Variants in TEX15 observed in about 807,000 individuals in gnomAD.
The protein encoded by TEX15 is testis-expressed protein 15.
A neutral mutation model predicts 237.3 loss-of-function variants in TEX15; 171 were observed. The observed-to-expected ratio is 0.72, with a 90% CI of 0.64 to 0.82. TEX15 has a LOEUF of 0.82. Among genes scored for constraint, TEX15 ranks in the 40% least tolerant of loss-of-function variants. The pLI is 0.00. For synonymous variants in TEX15, 1,338 were observed against 1,269.8 expected (o/e 1.05, Z -1.14); for missense variants, 3,750 against 3,646.5 (o/e 1.03, Z -0.73).
At position 30,906,962 on chromosome 8, in the gene TEX15, T is replaced by G. The variant is rs1468967709; in HGVS notation, c.-86+5917A>C. 3.3e-5 allele frequency among the ~76,000 whole-genome samples: 5 copies of G among 152,312 alleles called. No individual in the cohort carries two copies. In the East Asian group the frequency reaches 9.7e-4, roughly 29 times the overall value. Reference sequence around the variant, plus strand: ...ATTTTTTTTTCTTTTGCTGTTCACTTAAGCTGATTCTTACTCCTTGGCCAA... The same window carrying G: ...ATTTTTTTTTCTTTTGCTGTTCACTGAAGCTGATTCTTACTCCTTGGCCAA... On this transcript the variant is annotated intron_variant, in intron 1 of 10. Coordinates refer to ENST00000643185, the MANE Select transcript of TEX15 (RefSeq NM_001350162.2).
chr8:30,872,836 A>G (rs1253915465), intron 4 of TEX15, among the ~76,000 whole-genome samples: 1 of 152,212 alleles, frequency 6.6e-6, no homozygotes, highest in African/African-American at 2.4e-5. Flanking sequence ...GTTTTAAGCT[A>G]CATGTTATTA....
intron 4 of TEX15, among the ~76,000 whole-genome samples, chr8:30,873,000 G>A (rs888563589): frequency 2.6e-5 from 4 of 152,126 alleles, no homozygotes; most frequent in African/African-American, 9.7e-5. Flanking sequence ...ATACGATATA[G>A]TTGAGGTGTA....
In TEX15 at chr8:30,844,960, T is replaced by A; in HGVS notation, c.5207A>T (p.Tyr1736Phe). The change falls in exon 8 of 11, where the codon TAC becomes TTC. Residue 1736 changes from tyrosine to phenylalanine, a missense_variant. By Grantham distance (22) the Tyr-to-Phe change is conservative. Coordinates refer to ENST00000643185, the MANE Select transcript of TEX15 (RefSeq NM_001350162.2). ...AGTAAGAATTCTCTGCTTATCCAAG[T>A]AAGATTTTGAAGATTCTCCCTCACT... ...TDSEGESSKS[Y>F]LDKQRILTVD... 2 of 1,613,560 alleles carry A rather than the reference T, an allele frequency of 1.2e-6. No individual in the cohort carries two copies. Among genetic ancestry groups the A allele is most frequent in the Non-Finnish European group, 1.7e-6 (2 of 1,179,562 alleles).
chr8:30,900,365 G>C (rs75618834), intron 1 of TEX15, among the ~76,000 whole-genome samples: 9,308 of 152,248 alleles, frequency 0.061, 522 homozygotes, highest in Admixed American at 0.19. Flanking sequence ...GAAATTCTGA[G>C]TACTGTGATA....
Position 30,837,122 on chromosome 8 carries a change from G to A in TEX15, c.9162C>T (p.Gly3054=). ...CTTGGTATGTCTGGGTAATGGCATT[G>A]CCATTGCTGTTGCTGTACTGATAAA... ...WCVYQYSNSN[G]NAITQTYQGI... The change falls in exon 10 of 11, where the codon GGC becomes GGT. Residue 3054 remains glycine, a synonymous_variant. Coordinates refer to ENST00000643185, the MANE Select transcript of TEX15 (RefSeq NM_001350162.2). The A allele has an allele frequency of 6.2e-7, 1 of 1,614,028 alleles. No individual in the cohort carries two copies. The highest frequency in any genetic ancestry group is 1.1e-5 in the South Asian group (1 of 91,082).
chr8:30,874,200 T>G (rs192549376), intron 4 of TEX15, among the ~76,000 whole-genome samples: 1 of 152,250 alleles, frequency 6.6e-6, no homozygotes, highest in Non-Finnish European at 1.5e-5. Context: ...TCAAGAGGAA[T>G]CAATTCTAAA....
Position 30,837,951 on chromosome 8 carries a change from G to C in TEX15, c.8333C>G (p.Pro2778Arg), listed in dbSNP as rs1807348645. ...PKKVEMQRSL[P>R]GSLLPLENPK... ...GTTCTCTAAGGGTAAAAGTGAGCCA[G>C]GTAGTGATCTTTGCATTTCAACCTT... Residue 2778 changes from proline (P) to arginine (R), a missense_variant, in exon 10 of 11, where the codon CCT (proline) becomes CGT (arginine). By Grantham distance (103) the Pro-to-Arg change is moderately radical. Coordinates refer to ENST00000643185, the MANE Select transcript of TEX15 (RefSeq NM_001350162.2). The C allele has an allele frequency of 1.2e-6, 2 of 1,614,018 alleles. No homozygotes were observed. The highest frequency in any genetic ancestry group is 2.7e-5 in the African/African-American group (2 of 74,924).
Position 30,861,090 on chromosome 8 carries a change from C to T in TEX15, c.541-1033G>A, listed in dbSNP as rs529779428. 3.3e-5 allele frequency among the ~76,000 whole-genome samples: 5 copies of T among 151,978 alleles called. 1 individual carries two copies. In the South Asian group the frequency reaches 1.0e-3, roughly 32 times the overall value. ...AATGAAAGAAAAAGCCTGGAGTAAG[C>T]TCCAACATGTATTAAAAATACTAAA... is the stretch of plus-strand genomic sequence containing the variant. On this transcript the variant is annotated intron_variant, in intron 5 of 10. Coordinates refer to ENST00000643185, the MANE Select transcript of TEX15 (RefSeq NM_001350162.2).
In TEX15 at chr8:30,844,417, T is replaced by C; in HGVS notation, c.5750A>G (p.Asn1917Ser). Residue 1917 changes from asparagine (N) to serine (S), a missense_variant, in exon 8 of 11, where the codon AAT (asparagine) becomes AGT (serine). Transcript: ENST00000643185. The stretch of plus-strand genomic sequence containing the variant: ...CTTCTTCTCTCTTTTGTTAAGCGGA[T>C]TAGAAACTGTGTTCTTCAAAGGGAC... ...ESVPLKNTVS[N>S]PLNKREKKGE... The C allele has an allele frequency of 6.2e-7, 1 of 1,611,852 alleles. No individual in the cohort carries two copies. Among genetic ancestry groups the C allele is most frequent in the Non-Finnish European group, 8.5e-7 (1 of 1,179,150 alleles).
At position 30,843,391 on chromosome 8, in the gene TEX15, C is replaced by T. The variant is rs577707932; in HGVS notation, c.6776G>A (p.Arg2259His). 43 of 1,612,948 alleles carry T rather than the reference C, an allele frequency of 2.7e-5. No homozygotes were observed. The highest frequency in any genetic ancestry group is 1.8e-4 in the East Asian group (8 of 44,852). Residue 2259 changes from arginine (R) to histidine (H), a missense_variant, in exon 8 of 11, where the codon CGT (arginine) becomes CAT (histidine). Physicochemically the swap from Arg to His is conservative, Grantham distance 29. Coordinates refer to ENST00000643185, the MANE Select transcript of TEX15 (RefSeq NM_001350162.2). The part of the protein sequence containing the change: ...VNFIKNNEAV[R>H]VKISLYGLEH... ...CAGACCATAAAGAGATATTTTAACA[C>T]GTACTGCCTCGTTGTTCTTAATAAA...
intron 4 of TEX15, among the ~76,000 whole-genome samples, chr8:30,873,141 C>A (rs555300334): frequency 6.6e-6 from 1 of 152,264 alleles, no homozygotes; most frequent in East Asian, 1.9e-4. Context: ...GCTGTATAAA[C>A]TTGAGTAGTT....
Position 30,847,034 on chromosome 8 carries a change from A to G in TEX15, c.3133T>C (p.Ser1045Pro). 1 of 1,612,784 alleles carries G rather than the reference A, an allele frequency of 6.2e-7. No homozygotes were observed. Among genetic ancestry groups the G allele is most frequent in the East Asian group, 2.2e-5 (1 of 44,860 alleles). ...KNKSQESFHQ[S>P]INENLVLQSI... is the part of the protein sequence containing the mutation. ...TGAAGAACTAAGTTCTCATTTATTG[A>G]TTGATGAAATGATTCTTGTGATTTA... Residue 1045 changes from serine to proline, a missense_variant, in exon 8 of 11, where the codon TCA becomes CCA. By Grantham distance (74) the Ser-to-Pro change is moderately conservative. Coordinates refer to ENST00000643185, the MANE Select transcript of TEX15 (RefSeq NM_001350162.2).
chr8:30,880,439 A>G (rs1372271504), intron 3 of TEX15, among the ~76,000 whole-genome samples: 3 of 152,188 alleles, frequency 2.0e-5, no homozygotes, highest in Non-Finnish European at 4.4e-5. Context: ...GAACAGTGGG[A>G]CAACTTATAC....
intron 9 of TEX15, among the ~76,000 whole-genome samples, chr8:30,838,814 ATATATAT>A (rs1807376874): frequency 3.7e-5 from 3 of 80,394 alleles, no homozygotes; most frequent in Non-Finnish European, 7.3e-5. Context: ...ATATATATAT[ATATATAT>A]GAATTTTTTT....
At chr8:30,891,461 A>T (rs1374321886) in intron 2 of TEX15, among the ~76,000 whole-genome samples, 1 of 151,294 alleles carries the variant, frequency 6.6e-6, no homozygotes. Flanking sequence ...GATTGTGGTT[A>T]GTTTGCATTT....
rs1049518580 is a variant in TEX15 at position 30,845,431 on chromosome 8, A to G, written c.4736T>C (p.Leu1579Ser). 1.9e-6 allele frequency: 3 copies of G among 1,612,572 alleles called. No individual in the cohort carries two copies. Among genetic ancestry groups the G allele is most frequent in the Non-Finnish European group, 2.5e-6 (3 of 1,179,150 alleles). The change falls in exon 8 of 11, where the codon TTA becomes TCA. Residue 1579 changes from leucine (L) to serine (S), a missense_variant. Physicochemically the swap from Leu to Ser is moderately radical, Grantham distance 145. Transcript: ENST00000643185. ...EKENQIDTAF[L>S]SSTSKYEKLE... ...CTTTTCATATTTACTAGTGCTAGAT[A>G]AAAATGCTGTATCAATTTGATTTTC...
chr8:30,869,009 G>A (rs1010346637), intron 4 of TEX15, among the ~76,000 whole-genome samples: 20 of 151,032 alleles, frequency 1.3e-4, no homozygotes, highest in African/African-American at 3.9e-4. Context: ...AATACTCCCT[G>A]GAGTTTTGTA....
chr8:30,858,789 A>G lies in TEX15; in HGVS notation c.729T>C (p.Asp243=). ...YEYSVLSKPV[D]KPRQCLPYAV... ...CATATGGAAGACATTGCCTAGGTTT[A>G]TCTACAGGCTTTGAAAGGACACTGT... The change falls in exon 7 of 11, where the codon GAT becomes GAC. Residue 243 remains aspartate, a synonymous_variant. Coordinates refer to ENST00000643185, the MANE Select transcript of TEX15 (RefSeq NM_001350162.2). 5 of 1,535,692 alleles carry G rather than the reference A, an allele frequency of 3.3e-6. No individual in the cohort carries two copies. The highest frequency in any genetic ancestry group is 4.4e-6 in the Non-Finnish European group (5 of 1,146,726).
chr8:30,873,882 G>C (rs1308121302), intron 4 of TEX15, among the ~76,000 whole-genome samples: 2 of 152,062 alleles, frequency 1.3e-5, no homozygotes, highest in East Asian at 3.9e-4. Flanking sequence ...TATACATGTT[G>C]GTCATTTACA....
Sources: allele counts gnomAD v4.1 joint callset (sites outside exome capture counted in the v4.1 genomes callset), GRCh38; gene constraint gnomAD v4.1.1; transcripts MANE v1.5; gene names NCBI Gene and HGNC (gene_info 2026-07-23, HGNC 2026-07-21).